Variants in TGS1 observed in about 807,000 individuals in gnomAD.
TGS1 encodes trimethylguanosine synthase 1.
In TGS1, 69 loss-of-function variants were observed where a neutral mutation model predicts 92.2. That is an observed-to-expected ratio of 0.75 (90% confidence interval 0.62 to 0.91). The LOEUF is 0.91. Ranked by LOEUF, TGS1 falls within the 40% of genes least tolerant of loss-of-function variation. The pLI, the probability that TGS1 is intolerant of heterozygous loss-of-function variation, is 0.00. For missense variants in TGS1, 1,062 were observed against 1,001.2 expected, an observed-to-expected ratio of 1.06 and a Z score of -0.82; for synonymous variants, 345 against 338.1, an observed-to-expected ratio of 1.02 and a Z score of -0.22.
At chr8:55,793,321 A>G (rs543861716) in intron 6 of TGS1, among the ~76,000 whole-genome samples, 1 of 152,314 alleles carries the variant, frequency 6.6e-6, no homozygotes, top group African/African-American at 2.4e-5. Flanking sequence ...GGGAGACCCC[A>G]TCTCTACAAC....
Position 55,787,022 on chromosome 8 carries a change from A to G in TGS1, c.1124A>G (p.Asn375Ser). 3 of 1,613,930 alleles carry G rather than the reference A, an allele frequency of 1.9e-6. No individual in the cohort carries two copies. Among genetic ancestry groups the G allele is most frequent in the Non-Finnish European group, 2.5e-6 (3 of 1,179,904 alleles). The change falls in exon 4 of 13, where the codon AAC becomes AGC. Residue 375 changes from asparagine to serine, a missense_variant. By Grantham distance (46) the Asn-to-Ser change is conservative. Transcript: ENST00000260129. ...AATGGAGGAACCAATGAGGAAAGCA[A>G]CTCATCGGGGAATACAAACACAGAC... ...PRNGGTNEES[N>S]SSGNTNTDPP...
intron 11 of TGS1, among the ~76,000 whole-genome samples, chr8:55,811,442 A>G (rs1021738632): frequency 2.0e-5 from 3 of 151,754 alleles, no homozygotes; most frequent in African/African-American, 7.3e-5. Flanking sequence ...ACCCTGGGTG[A>G]CAGAGCGGGA....
intron 8 of TGS1, among the ~76,000 whole-genome samples, chr8:55,799,898 T>C (rs760949024): frequency 2.0e-5 from 3 of 152,158 alleles, no homozygotes; most frequent in Non-Finnish European, 4.4e-5. Context: ...TGTGTTTTTG[T>C]GTGTTTGTGT....
intron 10 of TGS1, among the ~76,000 whole-genome samples, chr8:55,810,078 T>C (rs1169823603): frequency 1.3e-5 from 2 of 152,214 alleles, no homozygotes; most frequent in African/African-American, 4.8e-5. Context: ...TTCTCAAAAA[T>C]GTTAACAAAT....
intron 4 of TGS1, among the ~76,000 whole-genome samples, chr8:55,789,296 TAA>T (rs1434421334): frequency 6.6e-6 from 1 of 152,200 alleles, no homozygotes; most frequent in Non-Finnish European, 1.5e-5. Context: ...TTTGTCACCA[TAA>T]GTTAAAGAAC....
Position 55,810,914 on chromosome 8 carries a change from C to T in TGS1, c.2177C>T (p.Ala726Val). The T allele has an allele frequency of 1.2e-6, 2 of 1,614,066 alleles. No homozygotes were observed. The highest frequency in any genetic ancestry group is 1.7e-6 in the Non-Finnish European group (2 of 1,180,014). ...ATTGATATCGATCCTGTTAAGATTG[C>T]CCTTGCTCGCAATAATGCAGAAGTT... is the stretch of plus-strand genomic sequence containing the variant. Reference protein sequence around the residue: ...IAIDIDPVKIALARNNAEVYG... With the variant: ...IAIDIDPVKIVLARNNAEVYG... The change falls in exon 11 of 13, where the codon GCC becomes GTC. Residue 726 changes from alanine (A) to valine (V), a missense_variant. Coordinates refer to ENST00000260129, the MANE Select transcript of TGS1 (RefSeq NM_024831.8).
intron 8 of TGS1, among the ~76,000 whole-genome samples, chr8:55,799,556 A>G (rs937968631): frequency 6.6e-6 from 1 of 151,988 alleles, no homozygotes; most frequent in Non-Finnish European, 1.5e-5. Flanking sequence ...CCTTCTTCGT[A>G]TGTGGTGTAG....
Position 55,824,981 on chromosome 8 carries a change from C to G in TGS1, c.*278C>G. 1 of 288,920 alleles carries G rather than the reference C, an allele frequency of 3.5e-6. No homozygotes were observed. The highest frequency in any genetic ancestry group is 6.5e-6 in the Non-Finnish European group (1 of 152,682). 17.9% of individuals were successfully genotyped at this position (288,920 alleles called of 1,614,324 possible). On this transcript the variant is annotated 3_prime_UTR_variant, in exon 13 of 13. Transcript: ENST00000260129. ...TTACCGCCCAGGCTGGAGTGCAGTG[C>G]CATGATCACAGCTCACTGCAGGTTC...
intron 7 of TGS1, among the ~76,000 whole-genome samples, chr8:55,796,645 G>A (rs535206332): frequency 2.6e-5 from 4 of 151,712 alleles, no homozygotes; most frequent in African/African-American, 7.3e-5. Context: ...CCGAGATCGC[G>A]CCTTTTCACT....
intron 12 of TGS1, among the ~76,000 whole-genome samples, 167 bp from the exon 13 acceptor site, chr8:55,824,414 A>G (rs1003660967): frequency 2.0e-5 from 3 of 152,212 alleles, no homozygotes; most frequent in Non-Finnish European, 4.4e-5. Context: ...CCCACCTCCA[A>G]ATATTGCATC....
chr8:55,810,877 T>C lies in TGS1; in HGVS notation c.2144-4T>C. The stretch of plus-strand genomic sequence containing the variant: ...AACTCATTTTTTTCTTTTCCCACTT[T>C]TAGTGATTGCCATTGATATCGATCC... On this transcript the variant is annotated splice_polypyrimidine_tract_variant and splice_region_variant and intron_variant, in intron 10 of 12. Transcript: ENST00000260129. The C allele has an allele frequency of 1.2e-6, 2 of 1,613,142 alleles. No individual in the cohort carries two copies. The highest frequency in any genetic ancestry group is 1.7e-6 in the Non-Finnish European group (2 of 1,179,430).
rs543320521 is a variant in TGS1 at position 55,773,971 on chromosome 8, A to G, written c.101+252A>G. On this transcript the variant is annotated intron_variant, in intron 1 of 12. Transcript: ENST00000260129. ...TGTCGTAGGTGCTATATGTCATCTC[A>G]TATTTGTAAATCGAGGGGACATTTA... Among the ~76,000 whole-genome samples the G allele has an allele frequency of 1.3e-3, 194 of 152,364 alleles. 1 individual carries two copies. Among genetic ancestry groups the G allele is most frequent in the Non-Finnish European group, 2.2e-3 (152 of 68,032 alleles).
intron 1 of TGS1, 68 bp from the exon 2 acceptor site, chr8:55,782,680 G>T: frequency 8.3e-7 from 1 of 1,206,528 alleles, no homozygotes; most frequent in South Asian, 1.4e-5. Flanking sequence ...ATGATGGCTC[G>T]AGATTTCTTT....
chr8:55,812,543 G>A (rs1803367032), intron 11 of TGS1, among the ~76,000 whole-genome samples: 1 of 150,740 alleles, frequency 6.6e-6, no homozygotes, highest in Non-Finnish European at 1.5e-5. Flanking sequence ...TGGGCATGTG[G>A]TGGTACATGC....
chr8:55,784,860 C>CA (rs1811663450), intron 2 of TGS1, among the ~76,000 whole-genome samples: 1 of 152,222 alleles, frequency 6.6e-6, no homozygotes, highest in Non-Finnish European at 1.5e-5. Context: ...ACCAGGGTTA[C>CA]ATGGCCTGTT....
chr8:55,778,852 T>A (rs908527333), intron 1 of TGS1, among the ~76,000 whole-genome samples: 7 of 152,234 alleles, frequency 4.6e-5, no homozygotes, highest in Non-Finnish European at 8.8e-5. Context: ...ATATTCAGCA[T>A]TTATTTCAGC....
intron 7 of TGS1, 96 bp downstream of exon 7, chr8:55,796,248 AC>A: frequency 4.3e-6 from 4 of 932,816 alleles, no homozygotes; most frequent in Non-Finnish European, 6.4e-6. Flanking sequence ...GCTTGTTTCT[AC>A]CAGGTATCAA....
intron 10 of TGS1, among the ~76,000 whole-genome samples, chr8:55,809,690 C>T (rs1334697759): frequency 1.3e-5 from 2 of 152,334 alleles, no homozygotes; most frequent in African/African-American, 4.8e-5. Flanking sequence ...CCGCCTCAGC[C>T]TCCCAAAGTG....
chr8:55,800,027 G>A (rs922550592), intron 8 of TGS1, among the ~76,000 whole-genome samples: 25 of 152,054 alleles, frequency 1.6e-4, no homozygotes, highest in African/African-American at 6.0e-4. Context: ...TTTTGTATTC[G>A]AATTTTTATA....
Sources: gnomAD v4.1 joint callset for allele counts (sites outside exome capture counted in the v4.1 genomes callset) on GRCh38, gnomAD v4.1.1 for gene constraint, MANE v1.5 for transcripts, NCBI Gene and HGNC (gene_info 2026-07-23, HGNC 2026-07-21) for gene names.